The following HDAC9 variants were observed in gnomAD, a reference collection of about 807,000 sequenced individuals.
The protein encoded by HDAC9 is MEF-2 interacting transcription repressor (MITR) protein.
HDAC9 carries 41 observed loss-of-function variants against 139.4 expected under a neutral mutation model. The observed-to-expected ratio is 0.29, with a 90% CI of 0.23 to 0.38. The LOEUF (loss-of-function observed/expected upper bound fraction) is 0.38. Among genes scored for constraint, HDAC9 ranks in the 10% least tolerant of loss-of-function variants. HDAC9 has a pLI of 1.00. For missense variants in HDAC9, 1,147 were observed against 1,297.0 expected (o/e 0.88, Z 1.78); for synonymous variants, 517 against 476.2 (o/e 1.09, Z -1.12).
At chr7:18,479,020 C>G (rs995113143) in intron 1 of HDAC9, among the ~76,000 whole-genome samples, 2 of 152,010 alleles carry the variant, frequency 1.3e-5, no homozygotes, top group African/African-American at 4.8e-5. Flanking sequence ...TCTGAATACT[C>G]ATTTTTGATT....
intron 1 of HDAC9, among the ~76,000 whole-genome samples, chr7:18,112,568 G>A (rs1783698379): frequency 6.6e-6 from 1 of 152,144 alleles, no homozygotes; most frequent in African/African-American, 2.4e-5. Context: ...TATTATTAGT[G>A]TCAGAACCTA....
intron 1 of HDAC9, among the ~76,000 whole-genome samples, chr7:18,093,964 C>A (rs1472236585): frequency 6.6e-6 from 1 of 152,146 alleles, no homozygotes; most frequent in African/African-American, 2.4e-5. Flanking sequence ...GAAGTCTTAT[C>A]TATTTTCTGT....
At chr7:18,571,362 C>A (rs909732373) in intron 2 of HDAC9, among the ~76,000 whole-genome samples, 1 of 152,176 alleles carries the variant, frequency 6.6e-6, no homozygotes, top group African/African-American at 2.4e-5. Context: ...GATTTTCAAA[C>A]TGAGTTCCAT....
chr7:18,725,730 C>A (rs1052410440), intron 12 of HDAC9, among the ~76,000 whole-genome samples: 2 of 152,136 alleles, frequency 1.3e-5, no homozygotes, highest in Non-Finnish European at 2.9e-5. Context: ...GACATAACCC[C>A]CCAAATCATA....
chr7:18,820,881 C>G (rs1016304914), intron 17 of HDAC9, among the ~76,000 whole-genome samples: 3 of 152,188 alleles, frequency 2.0e-5, no homozygotes, highest in Admixed American at 6.5e-5. Flanking sequence ...TGGCAAATCT[C>G]TAAGGGCATA....
chr7:18,714,132 T>C (rs1463590258), intron 12 of HDAC9, among the ~76,000 whole-genome samples: 1 of 152,208 alleles, frequency 6.6e-6, no homozygotes, highest in Non-Finnish European at 1.5e-5. Flanking sequence ...TTTTCCTAAT[T>C]TGCATCTTTG....
At chr7:18,718,581 ATGT>A (rs1784890679) in intron 12 of HDAC9, among the ~76,000 whole-genome samples, 1 of 152,120 alleles carries the variant, frequency 6.6e-6, no homozygotes, top group Non-Finnish European at 1.5e-5. Flanking sequence ...AGGTTCATCC[ATGT>A]TGTAGCATGT....
chr7:18,929,412 A>T (rs905560458), intron 22 of HDAC9, among the ~76,000 whole-genome samples: 1 of 152,156 alleles, frequency 6.6e-6, no homozygotes, highest in African/African-American at 2.4e-5. Flanking sequence ...TCTCTTTCTC[A>T]GTGGTTTCAA....
At chr7:18,697,748 TTTAGAGTTCAAACATTTCTTA>T (rs1783157957) in intron 12 of HDAC9, among the ~76,000 whole-genome samples, 1 of 152,026 alleles carries the variant, frequency 6.6e-6, no homozygotes, top group Non-Finnish European at 1.5e-5. Flanking sequence ...GAGCTGAGAG[TTTAGAGTTCAAACATTTCTTA>T]CTTTGGATCG....
intron 1 of HDAC9, among the ~76,000 whole-genome samples, chr7:18,108,341 A>G (rs774347627): frequency 5.3e-5 from 8 of 152,152 alleles, no homozygotes; most frequent in African/African-American, 1.7e-4. Context: ...GGGCGCCATC[A>G]TGGGAGGAGT....
chr7:18,228,396 C>A (rs937917911), intron 2 of HDAC9, among the ~76,000 whole-genome samples: 1 of 151,432 alleles, frequency 6.6e-6, no homozygotes, highest in Admixed American at 6.6e-5. Flanking sequence ...TTATCTTAAA[C>A]GCCACATACC....
chr7:18,922,770 TATTG>T (rs1347226252), intron 22 of HDAC9, among the ~76,000 whole-genome samples: 1 of 152,094 alleles, frequency 6.6e-6, no homozygotes, highest in Non-Finnish European at 1.5e-5. Flanking sequence ...CATTTGAAAT[TATTG>T]ATTAATTTTA....
At chr7:18,786,502 C>CTTCA (rs1791759818) in intron 16 of HDAC9, among the ~76,000 whole-genome samples, 4 of 118,560 alleles carry the variant, frequency 3.4e-5, no homozygotes, top group African/African-American at 1.3e-4. Context: ...TCCTTCCTTC[C>CTTCA]TTCCTCTCTC....
chr7:18,707,446 T>C (rs948239223), intron 12 of HDAC9, among the ~76,000 whole-genome samples: 1 of 152,014 alleles, frequency 6.6e-6, no homozygotes, highest in Non-Finnish European at 1.5e-5. Flanking sequence ...TTGAAAACAG[T>C]CCAACAGTCT....
chr7:18,406,550 T>C (rs11972610), intron 1 of HDAC9, among the ~76,000 whole-genome samples: 1,647 of 152,130 alleles, frequency 0.011, 35 homozygotes, highest in African/African-American at 0.037. Flanking sequence ...CCTGCCACCA[T>C]GCCCGGCTAA....
chr7:18,654,642 C>T (rs1790485262), intron 11 of HDAC9, among the ~76,000 whole-genome samples: 1 of 152,054 alleles, frequency 6.6e-6, no homozygotes, highest in Non-Finnish European at 1.5e-5. Context: ...TATGACCAAG[C>T]AGGAAACCGG....
intron 1 of HDAC9, among the ~76,000 whole-genome samples, chr7:18,088,746 T>C (rs2128055525): frequency 6.6e-6 from 1 of 152,372 alleles, no homozygotes; most frequent in African/African-American, 2.4e-5. Context: ...CTTATCCTTT[T>C]AAACCACTGT....
intron 2 of HDAC9, among the ~76,000 whole-genome samples, chr7:18,175,885 G>A (rs1244524629): frequency 6.7e-6 from 1 of 150,240 alleles, no homozygotes; most frequent in African/African-American, 2.5e-5. Flanking sequence ...TTTCTCCCAG[G>A]CTCTTAATGT....
chr7:18,755,148 G>A (rs2129151095), intron 14 of HDAC9, among the ~76,000 whole-genome samples: 1 of 152,258 alleles, frequency 6.6e-6, no homozygotes, highest in African/African-American at 2.4e-5. Context: ...TTGGAAAGAA[G>A]TACAAGTGAT....
Sources: gnomAD v4.1 joint callset for allele counts (sites outside exome capture counted in the v4.1 genomes callset) on GRCh38, gnomAD v4.1.1 for gene constraint, MANE v1.5 for transcripts, NCBI Gene and HGNC (gene_info 2026-07-23, HGNC 2026-07-21) for gene names.